CTNNA3: variants seen among roughly 807,000 people sequenced by gnomAD.
CTNNA3 encodes catenin alpha 3, also known as catenin alpha-3.
In CTNNA3, 76 loss-of-function variants were observed where a neutral mutation model predicts 95.7. The observed-to-expected ratio is 0.79, with a 90% CI of 0.66 to 0.96. The LOEUF is 0.96. CTNNA3 is among the 40% of genes least tolerant of loss of function. The probability of loss-of-function intolerance (pLI) is 0.00; values close to 1 mark genes in which losing one functional copy is unlikely to be tolerated. For synonymous variants in CTNNA3, 431 were observed against 374.4 expected (o/e 1.15, Z -1.74); for missense variants, 1,191 against 1,089.8 (o/e 1.09, Z -1.31).
At chr10:65,966,821 T>G in intron 16 of CTNNA3, 75 bp from the exon 17 acceptor site, 1 of 1,159,592 alleles carries the variant, frequency 8.6e-7, no homozygotes, top group Non-Finnish European at 1.2e-6. Context: ...AAATACAGTA[T>G]TCACATGGCA....
chr10:66,257,743 C>A (rs1487664104), intron 13 of CTNNA3, among the ~76,000 whole-genome samples: 1 of 152,176 alleles, frequency 6.6e-6, no homozygotes, highest in African/African-American at 2.4e-5. Flanking sequence ...GATTATTGCA[C>A]CCATGCAACT....
At chr10:66,719,243 G>C (rs1341665600) in intron 9 of CTNNA3, among the ~76,000 whole-genome samples, 1 of 152,046 alleles carries the variant, frequency 6.6e-6, no homozygotes, top group Non-Finnish European at 1.5e-5. Flanking sequence ...TAAAATCTAT[G>C]TCTTAATAGT....
intron 7 of CTNNA3, among the ~76,000 whole-genome samples, chr10:66,844,620 A>G (rs1843184134): frequency 6.6e-6 from 1 of 152,190 alleles, no homozygotes. Context: ...AAAGATTTAT[A>G]TTAAGGAGTC....
At chr10:65,928,799 TC>T (rs2077205755) in intron 17 of CTNNA3, among the ~76,000 whole-genome samples, 1 of 152,192 alleles carries the variant, frequency 6.6e-6, no homozygotes, top group South Asian at 2.1e-4. Context: ...TGTTTAAAAC[TC>T]AGAATGCAAA....
At chr10:66,360,627 C>CT (rs1483607949) in intron 12 of CTNNA3, among the ~76,000 whole-genome samples, 4 of 39,542 alleles carry the variant, frequency 1.0e-4, no homozygotes, top group Non-Finnish European at 1.5e-4. Flanking sequence ...TTCTTTCTTT[C>CT]TTTCTTTCTT....
intron 13 of CTNNA3, among the ~76,000 whole-genome samples, chr10:66,151,024 G>C (rs1343561564): frequency 1.3e-5 from 2 of 151,874 alleles, no homozygotes; most frequent in Non-Finnish European, 2.9e-5. Flanking sequence ...AGTATAAACT[G>C]TATTTAATAA....
At chr10:66,688,548 C>A (rs925977609) in intron 9 of CTNNA3, among the ~76,000 whole-genome samples, 6 of 152,172 alleles carry the variant, frequency 3.9e-5, no homozygotes, top group African/African-American at 1.4e-4. Flanking sequence ...CTGACACTAT[C>A]TACAGTAGCC....
intron 11 of CTNNA3, among the ~76,000 whole-genome samples, chr10:66,472,575 TATAAAA>T (rs1214946032): frequency 2.0e-5 from 3 of 152,008 alleles, no homozygotes; most frequent in Non-Finnish European, 4.4e-5. Context: ...TAAGTTTTCT[TATAAAA>T]ATATTTTTAA....
intron 1 of CTNNA3, among the ~76,000 whole-genome samples, chr10:67,652,499 TTTAA>T (rs1322167688): frequency 1.3e-5 from 2 of 152,220 alleles, no homozygotes; most frequent in Non-Finnish European, 2.9e-5. Context: ...TCAATTATTG[TTTAA>T]TTAATTAAAC....
intron 7 of CTNNA3, among the ~76,000 whole-genome samples, chr10:66,983,460 C>T (rs1168094581): frequency 1.3e-5 from 2 of 151,076 alleles, no homozygotes; most frequent in African/African-American, 5.0e-5. Context: ...ACAAGAAACC[C>T]ACCTAACCAA....
chr10:66,953,853 C>T (rs1457946173), intron 7 of CTNNA3, among the ~76,000 whole-genome samples: 2 of 152,088 alleles, frequency 1.3e-5, no homozygotes, highest in Non-Finnish European at 2.9e-5. Flanking sequence ...CAAATCTCAA[C>T]CAGAAGAGCT....
intron 13 of CTNNA3, among the ~76,000 whole-genome samples, chr10:66,255,986 A>G (rs1223911704): frequency 6.6e-6 from 1 of 152,204 alleles, no homozygotes; most frequent in African/African-American, 2.4e-5. Flanking sequence ...GATGAAACTC[A>G]TGCTCGTAAT....
chr10:67,358,816 C>T (rs28572377), intron 5 of CTNNA3, among the ~76,000 whole-genome samples: 2 of 152,124 alleles, frequency 1.3e-5, no homozygotes, highest in East Asian at 3.9e-4. Context: ...CCCCTTGGGG[C>T]TAAGGAAATG....
At chr10:66,679,416 T>A (rs1051088215) in intron 9 of CTNNA3, among the ~76,000 whole-genome samples, 1 of 152,190 alleles carries the variant, frequency 6.6e-6, no homozygotes, top group Non-Finnish European at 1.5e-5. Flanking sequence ...TTTAAATAAG[T>A]TAAATTCAAG....
intron 2 of CTNNA3, among the ~76,000 whole-genome samples, chr10:67,637,851 C>A (rs1394551803): frequency 6.6e-6 from 1 of 152,160 alleles, no homozygotes; most frequent in Non-Finnish European, 1.5e-5. Flanking sequence ...CCTAAAAGAG[C>A]TCCTGAAGGA....
chr10:66,836,855 G>A (rs189223535), intron 7 of CTNNA3, among the ~76,000 whole-genome samples: 242 of 152,090 alleles, frequency 1.6e-3, no homozygotes, highest in African/African-American at 5.7e-3. Flanking sequence ...CTTCTGTGTT[G>A]CCTCGGTGAA....
intron 14 of CTNNA3, among the ~76,000 whole-genome samples, chr10:66,100,794 C>T (rs531549713): frequency 1.4e-4 from 21 of 152,262 alleles, no homozygotes; most frequent in South Asian, 1.2e-3. Flanking sequence ...AGTTTACCAT[C>T]GTATATAATG....
At chr10:66,680,155 G>A (rs115906943) in intron 9 of CTNNA3, among the ~76,000 whole-genome samples, 2,076 of 143,768 alleles carry the variant, frequency 0.014, 58 homozygotes, top group African/African-American at 0.048. Context: ...ATGCCACCAT[G>A]CCCGACTAAT....
At chr10:66,591,183 A>G (rs1843537070) in intron 10 of CTNNA3, among the ~76,000 whole-genome samples, 2 of 152,160 alleles carry the variant, frequency 1.3e-5, no homozygotes, top group African/African-American at 4.8e-5. Flanking sequence ...TGCAAAAGAG[A>G]GCAGCCTCAG....
Sources: gnomAD v4.1 joint callset for allele counts (sites outside exome capture counted in the v4.1 genomes callset) on GRCh38, gnomAD v4.1.1 for gene constraint, MANE v1.5 for transcripts, NCBI Gene and HGNC (gene_info 2026-07-23, HGNC 2026-07-21) for gene names.